Variants in SORCS2 observed in about 807,000 individuals in gnomAD.
The protein encoded by SORCS2 is VPS10 domain-containing receptor SorCS2.
In SORCS2, 100 loss-of-function variants were observed where a neutral mutation model predicts 141.6. That is an observed-to-expected ratio of 0.71 (90% CI 0.60 to 0.83). The LOEUF is 0.83. Ranked by LOEUF, SORCS2 falls within the 40% of genes least tolerant of loss-of-function variation. SORCS2 has a pLI of 0.00. For synonymous variants in SORCS2, 789 were observed against 676.9 expected, an observed-to-expected ratio of 1.17 and a Z score of -2.57; for missense variants, 1,646 against 1,560.2, an observed-to-expected ratio of 1.05 and a Z score of -0.93.
chr4:7,511,507 A>G (rs970673884), intron 2 of SORCS2, among the ~76,000 whole-genome samples: 12 of 151,738 alleles, frequency 7.9e-5, no homozygotes, highest in Middle Eastern at 6.8e-3. Context: ...AGACAGAGAA[A>G]CAGAGAAAGA....
At chr4:7,536,416 A>G (rs1448646369) in intron 3 of SORCS2, among the ~76,000 whole-genome samples, 1 of 152,236 alleles carries the variant, frequency 6.6e-6, no homozygotes, top group African/African-American at 2.4e-5. Context: ...ACGATTCCAC[A>G]TAAAACAAAT....
intron 4 of SORCS2, 105 bp from the exon 5 acceptor site, chr4:7,654,029 G>A: frequency 3.7e-6 from 4 of 1,092,868 alleles, no homozygotes; most frequent in Non-Finnish European, 5.4e-6. Context: ...GGACAAGGAT[G>A]ACTTCTCCTG....
intron 2 of SORCS2, among the ~76,000 whole-genome samples, chr4:7,454,909 CTGTGTTGGGGTCAGGTGCTG>C (rs1728775302): frequency 1.8e-5 from 2 of 110,538 alleles, no homozygotes; most frequent in African/African-American, 3.6e-5. Flanking sequence ...GGGTCAGGCA[CTGTGTTGGGGTCAGGTGCTG>C]TGTGTTGGGG....
intron 17 of SORCS2, among the ~76,000 whole-genome samples, chr4:7,716,682 A>ATCGTCCAT (rs1726214640): frequency 2.1e-5 from 1 of 47,406 alleles, no homozygotes; most frequent in Admixed American, 2.9e-4. Flanking sequence ...TCATTCATTC[A>ATCGTCCAT]CCGTCCATCC....
intron 2 of SORCS2, among the ~76,000 whole-genome samples, chr4:7,407,252 C>T (rs1189695273): frequency 6.6e-6 from 1 of 151,996 alleles, no homozygotes; most frequent in Non-Finnish European, 1.5e-5. Context: ...GTGATCTGTC[C>T]ATAGCTGCTC....
At chr4:7,426,306 G>C (rs1201624636) in intron 2 of SORCS2, among the ~76,000 whole-genome samples, 1 of 36,628 alleles carries the variant, frequency 2.7e-5, no homozygotes, top group East Asian at 2.8e-4. Context: ...TGAGCCAGGG[G>C]AGGCCCGAGG....
At chr4:7,204,777 T>C (rs993992266) in intron 1 of SORCS2, among the ~76,000 whole-genome samples, 41 of 152,184 alleles carry the variant, frequency 2.7e-4, no homozygotes, top group African/African-American at 9.9e-4. Context: ...AAGGAGGGGG[T>C]ATCTCTCTGA....
chr4:7,540,646 C>T (rs1380662365), intron 3 of SORCS2, among the ~76,000 whole-genome samples: 1 of 152,214 alleles, frequency 6.6e-6, no homozygotes, highest in Admixed American at 6.5e-5. Flanking sequence ...AGGGTCTGGC[C>T]AGCATCACCC....
intron 3 of SORCS2, among the ~76,000 whole-genome samples, chr4:7,635,011 G>C (rs975749034): frequency 6.6e-6 from 1 of 152,218 alleles, no homozygotes; most frequent in Non-Finnish European, 1.5e-5. Flanking sequence ...GATGTACTGT[G>C]GTGTCCTGGT....
intron 2 of SORCS2, chr4:7,434,002 G>A (rs1727090528): frequency 3.1e-6 from 5 of 1,613,208 alleles, no homozygotes; most frequent in South Asian, 2.2e-5. Context: ...CACCTCACAG[G>A]TCACACCGGC....
intron 1 of SORCS2, among the ~76,000 whole-genome samples, chr4:7,318,134 G>A (rs371066371): frequency 2.6e-5 from 4 of 152,140 alleles, no homozygotes; most frequent in African/African-American, 9.7e-5. Flanking sequence ...ACACTTTGGC[G>A]GCCATTTTGC....
chr4:7,436,379 G>A (rs1176811165), intron 2 of SORCS2, among the ~76,000 whole-genome samples: 1 of 152,244 alleles, frequency 6.6e-6, no homozygotes, highest in Non-Finnish European at 1.5e-5. Flanking sequence ...ATCCCACCAG[G>A]ACTTTGGGCA....
At chr4:7,363,229 T>A (rs1721699219) in intron 1 of SORCS2, among the ~76,000 whole-genome samples, 1 of 148,872 alleles carries the variant, frequency 6.7e-6, no homozygotes, top group Non-Finnish European at 1.5e-5. Flanking sequence ...ATTACTACCA[T>A]CATCACCACC....
chr4:7,224,733 G>A (rs1728900556), intron 1 of SORCS2, among the ~76,000 whole-genome samples: 1 of 152,202 alleles, frequency 6.6e-6, no homozygotes, highest in South Asian at 2.1e-4. Context: ...ATATCAAGGA[G>A]GAGGAGGTGT....
At chr4:7,198,714 A>C (rs1727311720) in intron 1 of SORCS2, among the ~76,000 whole-genome samples, 1 of 152,186 alleles carries the variant, frequency 6.6e-6, no homozygotes, top group African/African-American at 2.4e-5. Flanking sequence ...ACTTGCTGTC[A>C]GGAGCTGGCT....
intron 8 of SORCS2, among the ~76,000 whole-genome samples, chr4:7,674,531 GCCA>G (rs1722984460): frequency 7.2e-6 from 1 of 138,926 alleles, no homozygotes; most frequent in African/African-American, 2.7e-5. Context: ...CTGAGATTGC[GCCA>G]TTGCACTCCA....
At chr4:7,678,894 C>G (rs181144758) in intron 9 of SORCS2, among the ~76,000 whole-genome samples, 116 of 152,320 alleles carry the variant, frequency 7.6e-4, no homozygotes, top group African/African-American at 2.6e-3. Flanking sequence ...TCCCTATGTG[C>G]AACAGGAATG....
intron 23 of SORCS2, among the ~76,000 whole-genome samples, chr4:7,732,397 G>C (rs925657422): frequency 1.1e-4 from 16 of 152,146 alleles, no homozygotes; most frequent in African/African-American, 3.6e-4. Flanking sequence ...GGGAGTGAGA[G>C]GGGTGAGGAG....
At chr4:7,386,024 C>G (rs569751411) in intron 1 of SORCS2, among the ~76,000 whole-genome samples, 10 of 152,332 alleles carry the variant, frequency 6.6e-5, no homozygotes, top group Admixed American at 5.9e-4. Context: ...GGTACATCCA[C>G]TTTGCCAAGT....
Sources: allele counts gnomAD v4.1 joint callset (sites outside exome capture counted in the v4.1 genomes callset), GRCh38; gene constraint gnomAD v4.1.1; transcripts MANE v1.5; gene names NCBI Gene and HGNC (gene_info 2026-07-23, HGNC 2026-07-21).